Variants in TSPAN1 observed in about 807,000 individuals in gnomAD.
TSPAN1 encodes the protein tetraspanin 1, also known as tetraspanin-1.
A neutral mutation model predicts 26.9 loss-of-function variants in TSPAN1; 23 were observed. That is an observed-to-expected ratio of 0.85 (90% CI 0.62 to 1.21). TSPAN1 has a LOEUF of 1.21. Ranked by LOEUF, TSPAN1 falls within the 50% of genes most tolerant of loss-of-function variation. The pLI, the probability that TSPAN1 is intolerant of heterozygous loss-of-function variation, is 0.00. For synonymous variants in TSPAN1, 115 were observed against 114.8 expected, an observed-to-expected ratio of 1.00 and a Z score of -0.01; for missense variants, 283 against 298.4, an observed-to-expected ratio of 0.95 and a Z score of 0.38.
chr1:46,176,631 T>C (rs907165196), intron 1 of TSPAN1: 3 of 963,506 alleles, frequency 3.1e-6, no homozygotes, highest in Non-Finnish European at 4.5e-6. Flanking sequence ...ATCTTCTTTA[T>C]TGGGTCTGGC....
chr1:46,193,259 A>G, the TSPAN1 span: 1 of 1,613,890 alleles, frequency 6.2e-7, no homozygotes, highest in Non-Finnish European at 8.5e-7. Flanking sequence ...TTAGGGTAGA[A>G]GGCAGAGCCA....
chr1:46,193,079 C>A, the TSPAN1 span: 1 of 1,603,988 alleles, frequency 6.2e-7, no homozygotes, highest in Non-Finnish European at 8.5e-7. Flanking sequence ...AAGGATGAGG[C>A]CCAGTGAGGG....
At chr1:46,190,147 G>GGA, downstream of TSPAN1, 1 of 899,032 alleles carries the variant, frequency 1.1e-6, no homozygotes, top group South Asian at 1.8e-5. Flanking sequence ...CGCCCAGGCT[G>GGA]GAGTCTCCTG....
intron 5 of TSPAN1, 34 bp from the exon 6 acceptor site, chr1:46,184,751 T>C (rs200825766): frequency 1.2e-6 from 2 of 1,613,850 alleles, no homozygotes; most frequent in East Asian, 4.5e-5. Flanking sequence ...CCACCTTCTG[T>C]ACCAGCCCCT....
chr1:46,188,810 T>G, downstream of TSPAN1: 1 of 1,612,906 alleles, frequency 6.2e-7, no homozygotes, highest in Non-Finnish European at 8.5e-7. Context: ...TGTCAGCATG[T>G]GGGCCCCAGC....
the TSPAN1 span, chr1:46,195,749 C>T: frequency 9.7e-6 from 14 of 1,445,330 alleles, no homozygotes; most frequent in South Asian, 2.4e-5. Flanking sequence ...GCAGAGAAGC[C>T]GGGGCTAGAA....
the TSPAN1 span, chr1:46,195,681 G>A: frequency 1.2e-6 from 1 of 857,264 alleles, no homozygotes; most frequent in Admixed American, 2.0e-5. Context: ...TGTTAAGGCT[G>A]AGATTGGAAC....
rs889578261 is a variant in TSPAN1, at chr1:46,176,252, T to C, written c.-142+843T>C. The C allele has an allele frequency of 9.1e-6, 14 of 1,535,608 alleles. No homozygotes were observed. In the African/African-American group the frequency reaches 9.6e-5, roughly 11 times the overall value. On this transcript the variant is annotated intron_variant, in intron 1 of 8. Coordinates refer to ENST00000372003, the MANE Select transcript of TSPAN1 (RefSeq NM_005727.4). ...CCTTGAGGTGGGAAGATCCACACTA[T>C]GGTGGTGTCAGTGTGGGTGTTGTTG...
the TSPAN1 span, chr1:46,194,718 C>T: frequency 6.2e-7 from 1 of 1,614,136 alleles, no homozygotes; most frequent in Non-Finnish European, 8.5e-7. Flanking sequence ...TTCCCATCTC[C>T]CTGCCTACTT....
In TSPAN1 at chr1:46,181,143, C is replaced by T; in HGVS notation, c.36C>T (p.Ile12=). The T allele has an allele frequency of 6.2e-7, 1 of 1,613,814 alleles. No individual in the cohort carries two copies. The highest frequency in any genetic ancestry group is 8.5e-7 in the Non-Finnish European group (1 of 1,179,858). The change falls in exon 3 of 9, where the codon ATC becomes ATT. Residue 12 remains isoleucine, a synonymous_variant. Coordinates refer to ENST00000372003, the MANE Select transcript of TSPAN1 (RefSeq NM_005727.4). ...TCAGCTTCATTAAGACCATGATGAT[C>T]CTCTTCAATTTGCTCATCTTTGTAA... ...QCFSFIKTMM[I]LFNLLIFLCG...
chr1:46,178,914 T>C (rs575381123), intron 1 of TSPAN1, among the ~76,000 whole-genome samples: 1 of 152,308 alleles, frequency 6.6e-6, no homozygotes, highest in East Asian at 1.9e-4. Context: ...AGCCTTAATA[T>C]ATGCAAGACA....
At chr1:46,184,484 G>C in intron 4 of TSPAN1, 87 bp downstream of exon 4, 1 of 1,606,842 alleles carries the variant, frequency 6.2e-7, no homozygotes, top group Non-Finnish European at 8.5e-7. Context: ...CCCTGCTTTG[G>C]ACCCCCCTAG....
intron 1 of TSPAN1, among the ~76,000 whole-genome samples, chr1:46,180,136 T>G (rs1657281953): frequency 6.6e-6 from 1 of 152,236 alleles, no homozygotes; most frequent in African/African-American, 2.4e-5. Flanking sequence ...TCAGGAACAC[T>G]AGCACATGTT....
downstream of TSPAN1, chr1:46,189,383 AGAG>A (rs1232466701): frequency 1.2e-6 from 2 of 1,614,120 alleles, no homozygotes; most frequent in Admixed American, 1.7e-5. Context: ...AAGAATGTAT[AGAG>A]AAGAAGCCAT....
intron 2 of TSPAN1, among the ~76,000 whole-genome samples, 189 bp from the exon 3 acceptor site, chr1:46,180,911 T>C (rs1226761348): frequency 6.6e-6 from 1 of 151,688 alleles, no homozygotes; most frequent in African/African-American, 2.4e-5. Context: ...CTGGGTAGTA[T>C]AGAGGGGTAA....
chr1:46,189,845 T>C, downstream of TSPAN1: 1 of 1,613,694 alleles, frequency 6.2e-7, no homozygotes, highest in Non-Finnish European at 8.5e-7. Context: ...GGGCATGGTA[T>C]TGGAGCACCT....
chr1:46,189,889 C>G (rs1307756528), downstream of TSPAN1: 2 of 1,614,004 alleles, frequency 1.2e-6, no homozygotes, highest in Non-Finnish European at 1.7e-6. Context: ...AAGTCATCAT[C>G]TTTCTCCATT....
At chr1:46,176,886 T>A (rs1657186927) in intron 1 of TSPAN1, among the ~76,000 whole-genome samples, 1 of 152,244 alleles carries the variant, frequency 6.6e-6, no homozygotes, top group Admixed American at 6.5e-5. Context: ...TCAATTCTCA[T>A]TATTCCCAGT....
downstream of TSPAN1, chr1:46,189,843 T>C: frequency 6.2e-7 from 1 of 1,613,596 alleles, no homozygotes; most frequent in Non-Finnish European, 8.5e-7. Flanking sequence ...GTGGGCATGG[T>C]ATTGGAGCAC....
Sources: gnomAD v4.1 joint callset for allele counts (sites outside exome capture counted in the v4.1 genomes callset) on GRCh38, gnomAD v4.1.1 for gene constraint, MANE v1.5 for transcripts, NCBI Gene and HGNC (gene_info 2026-07-23, HGNC 2026-07-21) for gene names.